SUCLG2: variants seen among roughly 807,000 people sequenced by gnomAD.
SUCLG2 encodes succinate-CoA ligase GDP-forming subunit beta, also known as succinate--CoA ligase [GDP-forming] subunit beta, mitochondrial.
SUCLG2 carries 42 observed loss-of-function variants against 47.9 expected under a neutral mutation model. The observed-to-expected ratio is 0.88, with a 90% CI of 0.69 to 1.14. The LOEUF (loss-of-function observed/expected upper bound fraction) is 1.14. Ranked by LOEUF, SUCLG2 falls within the 50% of genes most tolerant of loss-of-function variation. The probability of loss-of-function intolerance (pLI) is 0.00; values close to 1 mark genes in which losing one functional copy is unlikely to be tolerated. For missense variants in SUCLG2, 571 were observed against 525.9 expected (o/e 1.09, Z -0.84); for synonymous variants, 195 against 197.3 (o/e 0.99, Z 0.10).
rs371154877 is a variant in SUCLG2, at chr3:67,435,785, T to C, written c.1063-34934A>G. Among the ~76,000 whole-genome samples, 47 of 152,348 alleles carry C rather than the reference T, an allele frequency of 3.1e-4. No individual in the cohort carries two copies. In the East Asian group the frequency reaches 7.1e-3, roughly 23 times the overall value. On this transcript the variant is annotated intron_variant, in intron 9 of 10. Coordinates refer to ENST00000307227, the MANE Select transcript of SUCLG2 (RefSeq NM_003848.4). ...ACAACATTATATGCTCACTCAATTA[T>C]GACTGTTTTCCCCTTAAATAACTTC...
intron 2 of SUCLG2, among the ~76,000 whole-genome samples, chr3:67,547,136 G>A (rs1181359956): frequency 6.6e-6 from 1 of 152,068 alleles, no homozygotes; most frequent in Non-Finnish European, 1.5e-5. Flanking sequence ...CCTCCTGCAT[G>A]GGATTAGTGC....
Position 67,421,207 on chromosome 3 carries a change from C to T in SUCLG2, c.1063-20356G>A, listed in dbSNP as rs1012710045. On this transcript the variant is annotated intron_variant, in intron 9 of 10. Coordinates refer to ENST00000307227, the MANE Select transcript of SUCLG2 (RefSeq NM_003848.4). ...CTTATCCAACCTGATACCCCATCTA[C>T]CACATTTAAAGACCCACTGTCATTA... Among the ~76,000 whole-genome samples, 99 of 152,098 alleles carry T rather than the reference C, an allele frequency of 6.5e-4. 1 individual carries two copies. The highest frequency in any genetic ancestry group is 1.0e-4 in the Non-Finnish European group (7 of 68,006).
At chr3:67,506,585 T>C (rs960072035) in intron 7 of SUCLG2, among the ~76,000 whole-genome samples, 2 of 152,206 alleles carry the variant, frequency 1.3e-5, no homozygotes, top group Non-Finnish European at 2.9e-5. Flanking sequence ...CATACCCCTG[T>C]TCCCTGAAGC....
chr3:67,507,584 C>T (rs891810243), intron 7 of SUCLG2, among the ~76,000 whole-genome samples: 4 of 151,710 alleles, frequency 2.6e-5, no homozygotes, highest in African/African-American at 7.3e-5. Flanking sequence ...TGCCCAGATC[C>T]GTAGCCAAAA....
intron 6 of SUCLG2, among the ~76,000 whole-genome samples, chr3:67,511,909 G>A (rs1187029920): frequency 6.6e-6 from 1 of 150,734 alleles, no homozygotes; most frequent in Admixed American, 6.6e-5. Context: ...GGAGCGTACT[G>A]GCATAATCAT....
chr3:67,484,544 T>C (rs182249321), intron 9 of SUCLG2, among the ~76,000 whole-genome samples: 28 of 152,248 alleles, frequency 1.8e-4, no homozygotes, highest in Non-Finnish European at 4.4e-5. Context: ...AAACCTTGAA[T>C]GGGGAGAAAA....
At chr3:67,517,317 G>A (rs1271018768) in intron 6 of SUCLG2, among the ~76,000 whole-genome samples, 1 of 152,136 alleles carries the variant, frequency 6.6e-6, no homozygotes, top group Non-Finnish European at 1.5e-5. Flanking sequence ...AGACAAGACA[G>A]AAAGAAAAGA....
Position 67,445,201 on chromosome 3 carries a change from G to C in SUCLG2, c.1063-44350C>G, listed in dbSNP as rs961160020. Among the ~76,000 whole-genome samples the C allele has an allele frequency of 3.2e-4, 10 of 30,930 alleles. 1 individual carries two copies. The highest frequency in any genetic ancestry group is 8.2e-4 in the Admixed American group (2 of 2,442). 20.3% of individuals were successfully genotyped at this position (30,930 alleles called of 152,430 possible). ...AGGCGGGAAAGGTGGGGAAAAGATT[G>C]AGAAATCGGATGGTTGCCGTGTCTG... On this transcript the variant is annotated intron_variant, in intron 9 of 10. Coordinates refer to ENST00000307227, the MANE Select transcript of SUCLG2 (RefSeq NM_003848.4).
At chr3:67,457,350 G>A (rs1276123417) in intron 9 of SUCLG2, among the ~76,000 whole-genome samples, 1 of 152,156 alleles carries the variant, frequency 6.6e-6, no homozygotes, top group Non-Finnish European at 1.5e-5. Context: ...ACATGGAAAT[G>A]TAAAACAATT....
chr3:67,532,805 C>T (rs1706438576), intron 2 of SUCLG2, among the ~76,000 whole-genome samples: 1 of 152,064 alleles, frequency 6.6e-6, no homozygotes, highest in Non-Finnish European at 1.5e-5. Context: ...ACTCTGTGGT[C>T]TTTTTTTAGT....
intron 1 of SUCLG2, among the ~76,000 whole-genome samples, chr3:67,631,133 G>T (rs148865789): frequency 6.6e-6 from 1 of 152,154 alleles, no homozygotes; most frequent in East Asian, 1.9e-4. Flanking sequence ...CTAGCTACTT[G>T]ACAGCATTCA....
rs1173732902 is a variant in SUCLG2, at chr3:67,487,369, T to G, written c.1062+8429A>C. 2.1e-4 allele frequency among the ~76,000 whole-genome samples: 32 copies of G among 152,142 alleles called. 1 individual carries two copies. The highest frequency in any genetic ancestry group is 2.1e-3 in the Admixed American group (32 of 15,284). ...ATACTCTACACAATAGTATTTCAAG[T>G]GTACATACTTTATTATAGTGAGACA... is the stretch of plus-strand genomic sequence containing the variant. On this transcript the variant is annotated intron_variant, in intron 9 of 10. Coordinates refer to ENST00000307227, the MANE Select transcript of SUCLG2 (RefSeq NM_003848.4).
chr3:67,458,898 A>C (rs2106953133), intron 9 of SUCLG2, among the ~76,000 whole-genome samples: 1 of 152,342 alleles, frequency 6.6e-6, no homozygotes, highest in East Asian at 1.9e-4. Flanking sequence ...CAGTCTGCTA[A>C]TTTGTGTTCA....
intron 9 of SUCLG2, among the ~76,000 whole-genome samples, chr3:67,448,305 A>T (rs1441538169): frequency 6.6e-6 from 1 of 152,218 alleles, no homozygotes; most frequent in Non-Finnish European, 1.5e-5. Context: ...CTATTAGGTA[A>T]AAATGTAAGT....
intron 2 of SUCLG2, among the ~76,000 whole-genome samples, chr3:67,547,443 TAC>T (rs527382297): frequency 1.7e-4 from 26 of 152,300 alleles, no homozygotes; most frequent in African/African-American, 5.8e-4. Context: ...AAGTAAACAA[TAC>T]ATCTATAGAA....
intron 1 of SUCLG2, among the ~76,000 whole-genome samples, chr3:67,640,263 G>A (rs959983015): frequency 1.3e-5 from 2 of 152,134 alleles, no homozygotes; most frequent in African/African-American, 4.8e-5. Context: ...CCGTGCTCTG[G>A]GCAGCACTGT....
At chr3:67,605,533 C>T (rs1700394927) in intron 2 of SUCLG2, among the ~76,000 whole-genome samples, 2 of 152,134 alleles carry the variant, frequency 1.3e-5, no homozygotes, top group African/African-American at 4.8e-5. Context: ...AAGGATTACT[C>T]ATTCATTCAC....
chr3:67,372,406 T>C (rs1352086988), downstream of SUCLG2, among the ~76,000 whole-genome samples: 2 of 148,716 alleles, frequency 1.3e-5, no homozygotes, highest in East Asian at 4.0e-4. Flanking sequence ...CTTTTTTTTT[T>C]CCTTGCTTTA....
chr3:67,593,924 T>C (rs1314142594), intron 2 of SUCLG2, among the ~76,000 whole-genome samples: 1 of 152,212 alleles, frequency 6.6e-6, no homozygotes, highest in East Asian at 1.9e-4. Flanking sequence ...CCCCTTGTCT[T>C]TGGATTCCAA....
Sources: gnomAD v4.1 joint callset for allele counts (sites outside exome capture counted in the v4.1 genomes callset) on GRCh38, gnomAD v4.1.1 for gene constraint, MANE v1.5 for transcripts, NCBI Gene and HGNC (gene_info 2026-07-23, HGNC 2026-07-21) for gene names.